Variants in R3HCC1L observed in about 807,000 individuals in gnomAD.
R3HCC1L encodes the protein R3H domain and coiled-coil containing 1 like, also known as coiled-coil domain-containing protein R3HCC1L.
In R3HCC1L, 51 loss-of-function variants were observed where a neutral mutation model predicts 59.9. That is an observed-to-expected ratio of 0.85 (90% confidence interval 0.68 to 1.07). R3HCC1L has a LOEUF of 1.07. Ranked by LOEUF, R3HCC1L falls within the 50% of genes least tolerant of loss-of-function variation. R3HCC1L has a pLI of 0.00. For synonymous variants in R3HCC1L, 322 were observed against 315.2 expected, an observed-to-expected ratio of 1.02 and a Z score of -0.23; for missense variants, 965 against 933.0, an observed-to-expected ratio of 1.03 and a Z score of -0.45.
chr10:98,173,151 G>A (rs1848677048), intron 4 of R3HCC1L, among the ~76,000 whole-genome samples: 1 of 152,150 alleles, frequency 6.6e-6, no homozygotes, highest in South Asian at 2.1e-4. Flanking sequence ...TGTAGATGGG[G>A]AAATGGGTAA....
intron 1 of R3HCC1L, among the ~76,000 whole-genome samples, chr10:98,137,945 G>A (rs1267446790): frequency 6.6e-6 from 1 of 151,350 alleles, no homozygotes; most frequent in Non-Finnish European, 1.5e-5. Context: ...TTATTGGATA[G>A]GGTCTGGGAG....
Position 98,234,524 on chromosome 10 carries a change from C to T in R3HCC1L, c.2032+8C>T. 6.2e-7 allele frequency: 1 copy of T among 1,605,900 alleles called. No individual in the cohort carries two copies. Among genetic ancestry groups the T allele is most frequent in the Non-Finnish European group, 8.5e-7 (1 of 1,173,930 alleles). ...TCTCCAGTCCAATTACAGGTATTCA[C>T]CCAGTGGCTTTCAATCTTCCTTTCT... is the stretch of plus-strand genomic sequence containing the variant. On this transcript the variant is annotated splice_region_variant and intron_variant, in intron 7 of 9. Coordinates refer to ENST00000298999, the MANE Select transcript of R3HCC1L (RefSeq NM_001351015.2).
chr10:98,218,281 C>A (rs922801119), intron 5 of R3HCC1L, among the ~76,000 whole-genome samples: 1 of 151,200 alleles, frequency 6.6e-6, no homozygotes, highest in Non-Finnish European at 1.5e-5. Context: ...GGGTTTTGAC[C>A]TTCATTCTGT....
At chr10:98,138,791 A>T (rs542349591) in intron 1 of R3HCC1L, among the ~76,000 whole-genome samples, 53 of 152,276 alleles carry the variant, frequency 3.5e-4, no homozygotes, top group Admixed American at 2.7e-3. Context: ...ATCCAGGCTC[A>T]CTAGATGTAA....
intron 4 of R3HCC1L, among the ~76,000 whole-genome samples, chr10:98,200,385 G>T (rs1482437902): frequency 1.3e-5 from 2 of 152,018 alleles, no homozygotes; most frequent in Non-Finnish European, 2.9e-5. Context: ...GTATCATAAG[G>T]GCCTTGACTC....
At chr10:98,190,396 TTC>T (rs1048767207) in intron 4 of R3HCC1L, among the ~76,000 whole-genome samples, 3 of 152,246 alleles carry the variant, frequency 2.0e-5, no homozygotes, top group African/African-American at 7.2e-5. Context: ...TACTCATGTT[TTC>T]TCTTTTACCT....
At chr10:98,216,224 A>G (rs904106546) in intron 5 of R3HCC1L, among the ~76,000 whole-genome samples, 5 of 152,158 alleles carry the variant, frequency 3.3e-5, no homozygotes, top group African/African-American at 4.8e-5. Context: ...TAAAAAATAT[A>G]TGTTCTTACC....
chr10:98,233,565 GC>G (rs1856610960), intron 6 of R3HCC1L, among the ~76,000 whole-genome samples: 1 of 152,148 alleles, frequency 6.6e-6, no homozygotes, highest in Non-Finnish European at 1.5e-5. Flanking sequence ...TTACAGAGGA[GC>G]CGACCTAGCT....
intron 2 of R3HCC1L, among the ~76,000 whole-genome samples, chr10:98,158,239 A>T (rs1847072806): frequency 6.6e-6 from 1 of 152,158 alleles, no homozygotes; most frequent in South Asian, 2.1e-4. Flanking sequence ...TACTATATGC[A>T]TTATTTTGTT....
chr10:98,188,147 A>G (rs1345787277), intron 4 of R3HCC1L, among the ~76,000 whole-genome samples: 3 of 152,172 alleles, frequency 2.0e-5, no homozygotes, highest in Non-Finnish European at 2.9e-5. Context: ...GCTTTGTGCC[A>G]GGCACATTTG....
In R3HCC1L at chr10:98,143,631, G is replaced by A. The variant is rs149006041; in HGVS notation, c.-268+8925G>A. 2.5e-3 allele frequency among the ~76,000 whole-genome samples: 379 copies of A among 152,306 alleles called. 3 individuals are homozygous for A. Among genetic ancestry groups the A allele is most frequent in the African/African-American group, 8.5e-3 (352 of 41,556 alleles). On this transcript the variant is annotated intron_variant, in intron 1 of 9. Transcript: ENST00000298999. The stretch of plus-strand genomic sequence containing the variant: ...AAATTAGGATAAGATCTTGGCTGCA[G>A]TTTATTAACTTGCAGTTTGCCCCCT...
intron 5 of R3HCC1L, among the ~76,000 whole-genome samples, chr10:98,220,083 A>G (rs1854693604): frequency 6.6e-6 from 1 of 152,016 alleles, no homozygotes; most frequent in African/African-American, 2.4e-5. Context: ...TTATTTTCTG[A>G]CAGGGTTATT....
Position 98,231,501 on chromosome 10 carries a change from T to G in R3HCC1L, c.1786-11T>G, listed in dbSNP as rs777986607. ...ATGTAACCGGCACTTAACGTGCTTC[T>G]TCCTTTCTAGTTATCAGGGAATACC... On this transcript the variant is annotated splice_polypyrimidine_tract_variant and intron_variant, in intron 5 of 9. Transcript: ENST00000298999. The G allele has an allele frequency of 7.5e-6, 12 of 1,607,614 alleles. No homozygotes were observed. The highest frequency in any genetic ancestry group is 9.3e-6 in the Non-Finnish European group (11 of 1,178,118).
rs1856722783 is a variant in R3HCC1L, at chr10:98,234,647, T to C, written c.2032+131T>C. The C allele has an allele frequency of 1.4e-5, 12 of 870,262 alleles. No individual in the cohort carries two copies. In the South Asian group the frequency reaches 1.9e-4, roughly 14 times the overall value. The allele number at this position is 870,262 out of a possible 1,614,324, so 53.9% of individuals were successfully genotyped here. A position where few individuals can be genotyped will look rare whatever the true frequency, so the allele number is the denominator to read the frequency against. Reference sequence around the variant, plus strand: ...TGTAGGTAATAGGGCAGTTAGTGGTTTTTTTGAGGTAAGGTACTTTGGTAC... The same window carrying C: ...TGTAGGTAATAGGGCAGTTAGTGGTCTTTTTGAGGTAAGGTACTTTGGTAC... On this transcript the variant is annotated intron_variant, in intron 7 of 9. Coordinates refer to ENST00000298999, the MANE Select transcript of R3HCC1L (RefSeq NM_001351015.2).
chr10:98,195,327 A>G (rs1331036775), intron 4 of R3HCC1L, among the ~76,000 whole-genome samples: 3 of 152,148 alleles, frequency 2.0e-5, no homozygotes, highest in Admixed American at 6.5e-5. Context: ...TTGTTCAGTG[A>G]GTGTAGAGTT....
chr10:98,161,178 A>C (rs978403103), intron 2 of R3HCC1L, among the ~76,000 whole-genome samples: 9 of 152,204 alleles, frequency 5.9e-5, no homozygotes, highest in Non-Finnish European at 1.0e-4. Flanking sequence ...CCACAACCTC[A>C]TCATCAGAGT....
At chr10:98,152,410 G>C (rs918071292) in intron 1 of R3HCC1L, among the ~76,000 whole-genome samples, 1 of 150,664 alleles carries the variant, frequency 6.6e-6, no homozygotes, top group African/African-American at 2.4e-5. Context: ...CTGCCTGGCC[G>C]CCCATCGTCT....
chr10:98,135,146 CCCCGGGCTACGGGCTGGGAGT>C (rs1564969526), intron 1 of R3HCC1L, among the ~76,000 whole-genome samples: 1 of 152,240 alleles, frequency 6.6e-6, no homozygotes, highest in Non-Finnish European at 1.5e-5. Context: ...TGCCCGGGAG[CCCCGGGCTACGGGCTGGGAGT>C]GAGCAATCTA....
At chr10:98,213,262 A>G (rs1293852537) in intron 5 of R3HCC1L, among the ~76,000 whole-genome samples, 1 of 152,198 alleles carries the variant, frequency 6.6e-6, no homozygotes, top group Non-Finnish European at 1.5e-5. Context: ...TTAGAGTTTG[A>G]TAAACTATAA....
Sources: gnomAD v4.1 joint callset for allele counts (sites outside exome capture counted in the v4.1 genomes callset) on GRCh38, gnomAD v4.1.1 for gene constraint, MANE v1.5 for transcripts, NCBI Gene and HGNC (gene_info 2026-07-23, HGNC 2026-07-21) for gene names.